The following MRTFA variants were observed in gnomAD, a reference collection of about 807,000 sequenced individuals.
The protein encoded by MRTFA is myocardin related transcription factor A.
MRTFA carries 20 observed loss-of-function variants against 83.5 expected under a neutral mutation model. That is an observed-to-expected ratio of 0.24 (90% CI 0.17 to 0.35). The LOEUF is 0.35. MRTFA is among the 10% of genes least tolerant of loss of function. The probability of loss-of-function intolerance (pLI) is 1.00; values close to 1 mark genes in which losing one functional copy is unlikely to be tolerated. For synonymous variants in MRTFA, 659 were observed against 541.2 expected, an observed-to-expected ratio of 1.22 and a Z score of -3.02; for missense variants, 1,200 against 1,224.7, an observed-to-expected ratio of 0.98 and a Z score of 0.30.
chr22:40,432,373 G>A (rs1484375956), intron 5 of MRTFA, among the ~76,000 whole-genome samples: 1 of 152,086 alleles, frequency 6.6e-6, no homozygotes, highest in Non-Finnish European at 1.5e-5. Flanking sequence ...TTGACACATG[G>A]TAGCAAAGCT....
chr22:40,609,965 G>A (rs1467902680), intron 1 of MRTFA, among the ~76,000 whole-genome samples: 2 of 151,686 alleles, frequency 1.3e-5, no homozygotes, highest in Admixed American at 6.6e-5. Context: ...AGAGTAAAGA[G>A]GATAAATAGA....
chr22:40,500,322 T>C (rs1428697820), intron 3 of MRTFA, among the ~76,000 whole-genome samples: 1 of 134,620 alleles, frequency 7.4e-6, no homozygotes, highest in Non-Finnish European at 1.6e-5. Context: ...GCTTTCTTTT[T>C]TTTTGTTACA....
chr22:40,595,612 T>C (rs528900688), intron 1 of MRTFA, among the ~76,000 whole-genome samples: 1 of 152,172 alleles, frequency 6.6e-6, no homozygotes, highest in South Asian at 2.1e-4. Context: ...ACTGGACAGA[T>C]AAGACAAAAC....
At position 40,609,891 on chromosome 22, in the gene MRTFA, A is replaced by C. The variant is rs2056365573; in HGVS notation, c.-83-15156T>G. 2.6e-5 allele frequency among the ~76,000 whole-genome samples: 4 copies of C among 152,188 alleles called. 1 individual carries two copies. In the South Asian group the frequency reaches 8.3e-4, roughly 32 times the overall value. On this transcript the variant is annotated intron_variant, in intron 1 of 14. Transcript: ENST00000355630. ...TGAAATAATATATTCTGAAAGGCAG[A>C]TAAACGTATGTCCTCTTTAATATAT...
At chr22:40,526,315 G>A (rs1218519210) in intron 3 of MRTFA, 1 of 152,186 alleles carries the variant, frequency 6.6e-6, no homozygotes, top group Non-Finnish European at 1.5e-5. Flanking sequence ...TTATAGGTGT[G>A]AGCCACCATA....
intron 1 of MRTFA, among the ~76,000 whole-genome samples, chr22:40,635,978 A>G (rs1327075412): frequency 1.3e-5 from 2 of 152,250 alleles, no homozygotes; most frequent in East Asian, 3.9e-4. Context: ...GTTCTTGGCC[A>G]TCAAGTTTCA....
chr22:40,470,024 G>A (rs896248796), intron 3 of MRTFA, among the ~76,000 whole-genome samples: 1 of 151,656 alleles, frequency 6.6e-6, no homozygotes, highest in Non-Finnish European at 1.5e-5. Flanking sequence ...AGCAGTTCAA[G>A]ACCAGCCTGG....
intron 9 of MRTFA, among the ~76,000 whole-genome samples, chr22:40,421,645 G>A (rs2052842433): frequency 6.6e-6 from 1 of 152,128 alleles, no homozygotes; most frequent in Non-Finnish European, 1.5e-5. Context: ...TCCTATTCAT[G>A]CCCCCAAAGA....
intron 3 of MRTFA, among the ~76,000 whole-genome samples, chr22:40,547,281 G>C (rs1237151011): frequency 1.3e-5 from 2 of 151,838 alleles, no homozygotes; most frequent in Admixed American, 1.3e-4. Context: ...TATTAAAGAG[G>C]AGAAAATAGA....
At position 40,569,288 on chromosome 22, in the gene MRTFA, A is replaced by T. The variant is rs2055749853; in HGVS notation, c.-21-16921T>A. ...TAGCCATTGAGCTGAGAACTGCACC[A>T]TGGCAAAAGACATCAAGACCAAAAT... On this transcript the variant is annotated intron_variant, in intron 2 of 14. Coordinates refer to ENST00000355630, the MANE Select transcript of MRTFA (RefSeq NM_020831.6). 2.5e-5 allele frequency: 5 copies of T among 199,890 alleles called. No homozygotes were observed. The South Asian group carries it at 5.3e-4, about 21-fold the overall frequency. 12.4% of individuals were successfully genotyped at this position (199,890 alleles called of 1,614,324 possible).
chr22:40,428,762 TCCTC>T (rs1334530711), intron 7 of MRTFA, among the ~76,000 whole-genome samples: 1 of 152,010 alleles, frequency 6.6e-6, no homozygotes, highest in African/African-American at 2.4e-5. Flanking sequence ...GCTCAAGTGA[TCCTC>T]CCGCCTCAGA....
Position 40,634,169 on chromosome 22 carries a change from C to T in MRTFA, c.-84+2309G>A, listed in dbSNP as rs1261437912. ...GCAGTGTGAACATAGCTTACTGCCA[C>T]CTCAAACTCCTGGGCTCAAGGGATC... On this transcript the variant is annotated intron_variant, in intron 1 of 14. Coordinates refer to ENST00000355630, the MANE Select transcript of MRTFA (RefSeq NM_020831.6). Among the ~76,000 whole-genome samples, 7 of 152,106 alleles carry T rather than the reference C, an allele frequency of 4.6e-5. No individual in the cohort carries two copies. The East Asian group carries it at 1.4e-3, about 29-fold the overall frequency.
intron 1 of MRTFA, among the ~76,000 whole-genome samples, chr22:40,595,116 CTT>C (rs778797295): frequency 1.1e-4 from 13 of 119,252 alleles, no homozygotes; most frequent in East Asian, 5.0e-4. Context: ...TGATAAATGC[CTT>C]TTTTTTTTTT....
At chr22:40,599,163 T>C (rs1294904419) in intron 1 of MRTFA, among the ~76,000 whole-genome samples, 5 of 151,418 alleles carry the variant, frequency 3.3e-5, no homozygotes, top group Non-Finnish European at 7.4e-5. Context: ...CTGGGCATAG[T>C]GGTGCATGCC....
At chr22:40,552,572 AG>A (rs1261079276) in intron 2 of MRTFA, among the ~76,000 whole-genome samples, 1 of 152,144 alleles carries the variant, frequency 6.6e-6, no homozygotes, top group Non-Finnish European at 1.5e-5. Flanking sequence ...TGGTTTTATA[AG>A]GGGCTTTTCC....
At chr22:40,458,534 T>C (rs760404657) in intron 4 of MRTFA, among the ~76,000 whole-genome samples, 3 of 152,194 alleles carry the variant, frequency 2.0e-5, no homozygotes, top group African/African-American at 4.8e-5. Flanking sequence ...CCTACAGATA[T>C]GACGATGTCA....
At chr22:40,502,767 C>A (rs955449021) in intron 3 of MRTFA, among the ~76,000 whole-genome samples, 19 of 151,842 alleles carry the variant, frequency 1.3e-4, no homozygotes, top group Admixed American at 9.2e-4. Flanking sequence ...TCCCGGGCGG[C>A]GCTCGCCGGC....
chr22:40,611,374 C>T (rs2056386267), intron 1 of MRTFA, among the ~76,000 whole-genome samples: 1 of 151,928 alleles, frequency 6.6e-6, no homozygotes, highest in Non-Finnish European at 1.5e-5. Context: ...GTAGCTAGAA[C>T]TAAAGGCACT....
At chr22:40,491,126 T>G (rs2054265595) in intron 3 of MRTFA, among the ~76,000 whole-genome samples, 1 of 152,160 alleles carries the variant, frequency 6.6e-6, no homozygotes, top group African/African-American at 2.4e-5. Context: ...GAGGATCGCT[T>G]AAGGCTGGGG....
Sources: allele counts gnomAD v4.1 joint callset (sites outside exome capture counted in the v4.1 genomes callset), GRCh38; gene constraint gnomAD v4.1.1; transcripts MANE v1.5; gene names NCBI Gene and HGNC (gene_info 2026-07-23, HGNC 2026-07-21).